IGF2BP2: variants seen among roughly 807,000 people sequenced by gnomAD.
IGF2BP2 encodes insulin-like growth factor 2 mRNA-binding protein 2.
IGF2BP2 carries 17 observed loss-of-function variants against 75.8 expected under a neutral mutation model. The ratio of observed to expected loss-of-function variants is 0.22; its 90% CI spans 0.15 to 0.34. IGF2BP2 has a LOEUF of 0.34. IGF2BP2 is among the 10% of genes least tolerant of loss of function. IGF2BP2 has a pLI of 1.00. For synonymous variants in IGF2BP2, 288 were observed against 295.6 expected (o/e 0.97, Z 0.26); for missense variants, 516 against 772.4 (o/e 0.67, Z 3.93).
At chr3:185,656,873 A>G (rs1169546545) in intron 12 of IGF2BP2, among the ~76,000 whole-genome samples, 1 of 152,216 alleles carries the variant, frequency 6.6e-6, no homozygotes, top group East Asian at 1.9e-4. Context: ...TGCTTTTCAA[A>G]GAGTTTTTTA....
chr3:185,814,442 T>C (rs903512759), intron 2 of IGF2BP2, among the ~76,000 whole-genome samples: 3 of 152,218 alleles, frequency 2.0e-5, no homozygotes, highest in Non-Finnish European at 2.9e-5. Context: ...AAATACTATA[T>C]AGCCTATCCT....
chr3:185,696,839 T>C (rs1180544642), intron 3 of IGF2BP2, among the ~76,000 whole-genome samples, 176 bp from the exon 4 acceptor site: 1 of 152,222 alleles, frequency 6.6e-6, no homozygotes, highest in East Asian at 1.9e-4. Flanking sequence ...AACAAATATA[T>C]GGGACCTACA....
At chr3:185,821,469 G>A (rs1484606326) in intron 2 of IGF2BP2, among the ~76,000 whole-genome samples, 2 of 152,112 alleles carry the variant, frequency 1.3e-5, no homozygotes, top group African/African-American at 4.8e-5. Context: ...CCGGCTAACA[G>A]CAAATAATCT....
chr3:185,820,269 C>T (rs1741202122), intron 2 of IGF2BP2, among the ~76,000 whole-genome samples: 1 of 145,982 alleles, frequency 6.9e-6, no homozygotes, highest in South Asian at 2.2e-4. Flanking sequence ...CACACACACA[C>T]ACACATAATT....
chr3:185,664,431 A>T (rs1285056529), intron 10 of IGF2BP2, among the ~76,000 whole-genome samples: 1 of 152,236 alleles, frequency 6.6e-6, no homozygotes, highest in Non-Finnish European at 1.5e-5. Context: ...TCCATTAGAC[A>T]TATATAAAGA....
chr3:185,681,414 A>G (rs1216623176), intron 7 of IGF2BP2, among the ~76,000 whole-genome samples: 2 of 152,226 alleles, frequency 1.3e-5, no homozygotes, highest in East Asian at 3.9e-4. Context: ...AAACCACAAA[A>G]GGTTCCTGAA....
chr3:185,690,447 T>C (rs1226785499), intron 5 of IGF2BP2, among the ~76,000 whole-genome samples: 6 of 152,252 alleles, frequency 3.9e-5, no homozygotes, highest in Admixed American at 2.0e-4. Flanking sequence ...CATTTTTCAA[T>C]GTCACTAAGT....
intron 15 of IGF2BP2, among the ~76,000 whole-genome samples, chr3:185,646,288 CG>C (rs1372671631): frequency 1.3e-5 from 2 of 151,966 alleles, no homozygotes; most frequent in Non-Finnish European, 1.5e-5. Flanking sequence ...GTGTGGGTGG[CG>C]GGGGATCCAC....
At chr3:185,668,902 A>G (rs554694048) in intron 10 of IGF2BP2, among the ~76,000 whole-genome samples, 4 of 152,172 alleles carry the variant, frequency 2.6e-5, no homozygotes, top group Non-Finnish European at 5.9e-5. Flanking sequence ...GAAGAGCTTA[A>G]GTCACTTGCT....
chr3:185,678,717 T>C (rs966516709), intron 7 of IGF2BP2, among the ~76,000 whole-genome samples: 5 of 152,214 alleles, frequency 3.3e-5, no homozygotes, highest in Non-Finnish European at 5.9e-5. Context: ...TTATTGAAAG[T>C]AGGGCACTTA....
chr3:185,695,135 A>T (rs1446160293), intron 4 of IGF2BP2, among the ~76,000 whole-genome samples: 5 of 151,926 alleles, frequency 3.3e-5, no homozygotes, highest in Admixed American at 1.3e-4. Context: ...GGAAATAAGA[A>T]CTAAGAAATA....
intron 10 of IGF2BP2, among the ~76,000 whole-genome samples, chr3:185,665,619 G>A (rs1436179928): frequency 1.3e-5 from 2 of 151,904 alleles, no homozygotes; most frequent in South Asian, 4.2e-4. Flanking sequence ...AGGAGGAGGA[G>A]GAGGAGGATA....
intron 12 of IGF2BP2, among the ~76,000 whole-genome samples, chr3:185,656,393 T>C (rs1458379673): frequency 6.6e-6 from 1 of 152,268 alleles, no homozygotes; most frequent in Non-Finnish European, 1.5e-5. Context: ...GCAACCCTTG[T>C]TCTGTACTAC....
At chr3:185,728,633 T>C (rs1727697068) in intron 2 of IGF2BP2, 1 of 152,230 alleles carries the variant, frequency 6.6e-6, no homozygotes, top group Admixed American at 6.5e-5. Context: ...ATGGTTTAAC[T>C]ATTGAACAGA....
intron 2 of IGF2BP2, among the ~76,000 whole-genome samples, chr3:185,812,842 T>G (rs1237183112): frequency 1.3e-5 from 2 of 152,168 alleles, no homozygotes; most frequent in Non-Finnish European, 2.9e-5. Flanking sequence ...GAACAGTGTT[T>G]AATAAAAACT....
intron 2 of IGF2BP2, among the ~76,000 whole-genome samples, chr3:185,753,889 G>A (rs1285471756): frequency 6.6e-6 from 1 of 152,052 alleles, no homozygotes; most frequent in Non-Finnish European, 1.5e-5. Flanking sequence ...CTCAGTTAGT[G>A]CATGCAAGAT....
At chr3:185,749,954 G>A (rs1050761065) in intron 2 of IGF2BP2, among the ~76,000 whole-genome samples, 23 of 152,132 alleles carry the variant, frequency 1.5e-4, no homozygotes, top group East Asian at 3.8e-4. Context: ...TCACCCACGC[G>A]GACTTACTGC....
rs371929079 is a variant in IGF2BP2, at chr3:185,664,156, T to G, written c.1201-5747A>C. On this transcript the variant is annotated intron_variant, in intron 10 of 15. Transcript: ENST00000382199. ...GGAGCTGCCTGTCCTGCTCTGTGTG[T>G]TCTCATGGGACAACCTTAGAAGCTG... Among the ~76,000 whole-genome samples, 19 of 152,276 alleles carry G rather than the reference T, an allele frequency of 1.2e-4. No individual in the cohort carries two copies. In the East Asian group the frequency reaches 2.7e-3, roughly 22 times the overall value.
chr3:185,768,236 T>C (rs1359276329), intron 2 of IGF2BP2, among the ~76,000 whole-genome samples: 1 of 152,206 alleles, frequency 6.6e-6, no homozygotes, highest in Non-Finnish European at 1.5e-5. Context: ...AAAAGGAAAG[T>C]TGAGAACTTT....
Sources: gnomAD v4.1 joint callset for allele counts (sites outside exome capture counted in the v4.1 genomes callset) on GRCh38, gnomAD v4.1.1 for gene constraint, MANE v1.5 for transcripts, NCBI Gene and HGNC (gene_info 2026-07-23, HGNC 2026-07-21) for gene names.